RCAN3: variants seen among roughly 807,000 people sequenced by gnomAD.
RCAN3 encodes the protein regulator of calcineurin 3.
A neutral mutation model predicts 21.9 loss-of-function variants in RCAN3; 19 were observed. That is an observed-to-expected ratio of 0.87 (90% CI 0.61 to 1.27). The LOEUF is 1.27. Among genes scored for constraint, RCAN3 ranks in the 50% most tolerant of loss-of-function variants. RCAN3 has a pLI of 0.00. For synonymous variants in RCAN3, 114 were observed against 112.3 expected (o/e 1.01, Z -0.09); for missense variants, 240 against 300.1 (o/e 0.80, Z 1.48).
intron 1 of RCAN3, among the ~76,000 whole-genome samples, chr1:24,511,113 G>A (rs1460630752): frequency 2.0e-5 from 3 of 152,004 alleles, no homozygotes; most frequent in Non-Finnish European, 4.4e-5. Context: ...AGAGATTGAG[G>A]CCATCCTGGC....
chr1:24,524,185 G>T (rs894711248), intron 2 of RCAN3, among the ~76,000 whole-genome samples: 2 of 152,090 alleles, frequency 1.3e-5, no homozygotes, highest in Non-Finnish European at 2.9e-5. Flanking sequence ...AGCCAAGATC[G>T]CGCCACTTCA....
chr1:24,528,130 A>G (rs1288437855), intron 2 of RCAN3, among the ~76,000 whole-genome samples: 1 of 152,154 alleles, frequency 6.6e-6, no homozygotes, highest in Admixed American at 6.6e-5. Context: ...TTTGTGAAAG[A>G]GAAACTGTGG....
Position 24,535,361 on chromosome 1 carries a change from A to G in RCAN3, c.*84A>G. ...GCCTGCGGCCGATGCGTTGCTGCGA[A>G]CAGCATAGGTGAGACTCTGCCGAGT... On this transcript the variant is annotated 3_prime_UTR_variant, in exon 5 of 5. Coordinates refer to ENST00000374395, the MANE Select transcript of RCAN3 (RefSeq NM_013441.4). The G allele has an allele frequency of 1.4e-6, 2 of 1,433,982 alleles. No individual in the cohort carries two copies. Among genetic ancestry groups the G allele is most frequent in the South Asian group, 1.6e-5 (1 of 64,336 alleles). 88.8% of individuals were successfully genotyped at this position (1,433,982 alleles called of 1,614,324 possible).
At chr1:24,514,241 TG>T in intron 1 of RCAN3, 72 bp from the exon 2 acceptor site, 1 of 683,836 alleles carries the variant, frequency 1.5e-6, no homozygotes, top group Non-Finnish European at 2.3e-6. Context: ...AATTGCAGCC[TG>T]GAGACATTGA....
At chr1:24,529,195 C>T (rs1649533444) in intron 2 of RCAN3, among the ~76,000 whole-genome samples, 1 of 151,786 alleles carries the variant, frequency 6.6e-6, no homozygotes, top group Admixed American at 6.6e-5. Context: ...ATGCTTGAGC[C>T]CAGGAGTTCC....
At position 24,535,346 on chromosome 1, in the gene RCAN3, G is replaced by T; in HGVS notation, c.*69G>T. On this transcript the variant is annotated 3_prime_UTR_variant, in exon 5 of 5. Transcript: ENST00000374395. ...GCCATGGCGCTCTGTGCCTGCGGCC[G>T]ATGCGTTGCTGCGAACAGCATAGGT... The T allele has an allele frequency of 6.8e-7, 1 of 1,468,214 alleles. No individual in the cohort carries two copies. Among genetic ancestry groups the T allele is most frequent in the Non-Finnish European group, 9.0e-7 (1 of 1,110,300 alleles). The allele number at this position is 1,468,214 out of a possible 1,614,324, so 90.9% of individuals were successfully genotyped here. A position where few individuals can be genotyped will look rare whatever the true frequency, so the allele number is the denominator to read the frequency against.
intron 2 of RCAN3, among the ~76,000 whole-genome samples, chr1:24,516,478 GAA>G (rs948603584): frequency 6.6e-6 from 1 of 152,086 alleles, no homozygotes; most frequent in African/African-American, 2.4e-5. Flanking sequence ...AACAGAATGA[GAA>G]AAGAGCTGAA....
chr1:24,530,481 TACAA>T (rs1380033812), intron 2 of RCAN3, among the ~76,000 whole-genome samples: 2 of 151,064 alleles, frequency 1.3e-5, no homozygotes, highest in African/African-American at 4.9e-5. Flanking sequence ...TTTTTAGAGA[TACAA>T]ATAGATGTTG....
chr1:24,505,067 G>A (rs951086282), intron 1 of RCAN3, among the ~76,000 whole-genome samples: 3 of 152,196 alleles, frequency 2.0e-5, no homozygotes, highest in East Asian at 3.9e-4. Flanking sequence ...ACTGTCGCAC[G>A]AAATTTTTCT....
At position 24,532,948 on chromosome 1, in the gene RCAN3, C is replaced by CAAAA. The variant is rs756973308; in HGVS notation, c.370-111_370-108dup. 635 of 93,176 alleles carry CAAAA rather than the reference C, an allele frequency of 6.8e-3. 70 individuals carry two copies. The highest frequency in any genetic ancestry group is 0.052 in the African/African-American group (304 of 5,818). 5.8% of individuals were successfully genotyped at this position (93,176 alleles called of 1,614,324 possible). ...TGGGCGACAAAGTGAGACTCCGTCTCAAAAAAAAAAAAAAAAAAAAAAAAA... is the reference window on the plus strand; with the variant it reads ...TGGGCGACAAAGTGAGACTCCGTCTCAAAAAAAAAAAAAAAAAAAAAAAAAAAAA... On this transcript the variant is annotated intron_variant, in intron 3 of 4. Coordinates refer to ENST00000374395, the MANE Select transcript of RCAN3 (RefSeq NM_013441.4).
intron 2 of RCAN3, among the ~76,000 whole-genome samples, chr1:24,529,256 A>G (rs2148909281): frequency 6.6e-6 from 1 of 151,908 alleles, no homozygotes; most frequent in Non-Finnish European, 1.5e-5. Flanking sequence ...AAATAAAATA[A>G]AATTAGCCAG....
In RCAN3 at chr1:24,538,294, A is replaced by G. The variant is rs906401740; in HGVS notation, c.*3017A>G. ...TCTTTTCACATTCTGCTTCTTCAAA[A>G]TGTTGTACTCAAAAACATACCAGTA... On this transcript the variant is annotated 3_prime_UTR_variant, in exon 5 of 5. Coordinates refer to ENST00000374395, the MANE Select transcript of RCAN3 (RefSeq NM_013441.4). The G allele has an allele frequency of 2.0e-5, 3 of 152,242 alleles. No individual in the cohort carries two copies. Among genetic ancestry groups the G allele is most frequent in the Admixed American group, 1.3e-4 (2 of 15,280 alleles). 9.4% of individuals were successfully genotyped at this position (152,242 alleles called of 1,614,324 possible).
At chr1:24,524,238 G>A (rs533355865) in intron 2 of RCAN3, among the ~76,000 whole-genome samples, 1 of 152,130 alleles carries the variant, frequency 6.6e-6, no homozygotes, top group South Asian at 2.1e-4. Flanking sequence ...AAAATAAGGA[G>A]TTCCAATAAG....
In RCAN3 at chr1:24,503,021, C is replaced by G. The variant is rs1054033686; in HGVS notation, c.-189C>G. On this transcript the variant is annotated 5_prime_UTR_variant, in exon 1 of 5. Transcript: ENST00000374395. ...CCGCCCACCAGGCTCCCAGAGGCCC[C>G]GCAGCTCGCGCCGTCCGGCTCCCCG... The G allele has an allele frequency of 6.7e-6, 1 of 149,564 alleles. No individual in the cohort carries two copies. Among genetic ancestry groups the G allele is most frequent in the African/African-American group, 2.4e-5 (1 of 41,060 alleles). 9.3% of individuals were successfully genotyped at this position (149,564 alleles called of 1,614,324 possible). A position where few individuals can be genotyped will look rare whatever the true frequency, so the allele number is the denominator to read the frequency against.
intron 1 of RCAN3, among the ~76,000 whole-genome samples, chr1:24,513,738 C>T (rs936939681): frequency 7.9e-5 from 12 of 152,234 alleles, no homozygotes; most frequent in South Asian, 4.2e-4. Context: ...TTTTGCCTAC[C>T]GCAAATATTT....
intron 2 of RCAN3, among the ~76,000 whole-genome samples, chr1:24,530,542 A>G (rs1649678790): frequency 6.6e-6 from 1 of 152,110 alleles, no homozygotes; most frequent in Non-Finnish European, 1.5e-5. Flanking sequence ...CAGAAATGAC[A>G]ACTTTGAAGG....
At chr1:24,514,071 G>A (rs1648098865) in intron 1 of RCAN3, among the ~76,000 whole-genome samples, 1 of 152,054 alleles carries the variant, frequency 6.6e-6, no homozygotes, top group Non-Finnish European at 1.5e-5. Context: ...ACTAGAAAAC[G>A]TTTTGCCTTT....
In RCAN3 at chr1:24,533,180, G is replaced by A; in HGVS notation, c.467G>A (p.Gly156Glu). The A allele has an allele frequency of 6.2e-7, 1 of 1,607,054 alleles. No individual in the cohort carries two copies. The highest frequency in any genetic ancestry group is 8.5e-7 in the Non-Finnish European group (1 of 1,177,740). The stretch of plus-strand genomic sequence containing the variant: ...TCCCCTCCAGCCTCTCCCCCGGTGG[G>A]GTGGAAGCAGAGCGAAGATGCGATG... ...LISPPASPPV[G>E]WKQSEDAMPV... The change falls in exon 4 of 5, where the codon GGG becomes GAG. Residue 156 changes from glycine to glutamate, a missense_variant. Coordinates refer to ENST00000374395, the MANE Select transcript of RCAN3 (RefSeq NM_013441.4).
In RCAN3 at chr1:24,514,452, T is replaced by A; in HGVS notation, c.80T>A (p.Met27Lys). The A allele has an allele frequency of 6.2e-7, 1 of 1,614,176 alleles. No individual in the cohort carries two copies. Among genetic ancestry groups the A allele is most frequent in the East Asian group, 2.2e-5 (1 of 44,880 alleles). The change falls in exon 2 of 5, where the codon ATG becomes AAG. Residue 27 changes from methionine to lysine, a missense_variant. Coordinates refer to ENST00000374395, the MANE Select transcript of RCAN3 (RefSeq NM_013441.4). Reference sequence around the variant, plus strand: ...ACTGACCAAGAAGAGGAAGAAGAGATGATTTTTGGTGAAAATGAAGATGAT... The same window carrying A: ...ACTGACCAAGAAGAGGAAGAAGAGAAGATTTTTGGTGAAAATGAAGATGAT... ...CSTDQEEEEE[M>K]IFGENEDDLD...
Sources: gnomAD v4.1 joint callset for allele counts (sites outside exome capture counted in the v4.1 genomes callset) on GRCh38, gnomAD v4.1.1 for gene constraint, MANE v1.5 for transcripts, NCBI Gene and HGNC (gene_info 2026-07-23, HGNC 2026-07-21) for gene names.